Variants in PARP11 observed in about 807,000 individuals in gnomAD.
PARP11 encodes the protein poly(ADP-ribose) polymerase family member 11.
In PARP11, 31 loss-of-function variants were observed where a neutral mutation model predicts 42.9. The observed-to-expected ratio is 0.72, with a 90% CI of 0.54 to 0.98. The LOEUF (loss-of-function observed/expected upper bound fraction) is 0.98, where lower values mean the gene tolerates loss of function less well. Ranked by LOEUF, PARP11 falls within the 50% of genes least tolerant of loss-of-function variation. The pLI, the probability that PARP11 is intolerant of heterozygous loss-of-function variation, is 0.00. For synonymous variants in PARP11, 137 were observed against 127.3 expected (o/e 1.08, Z -0.51); for missense variants, 365 against 413.1 (o/e 0.88, Z 1.01).
Position 3,812,337 on chromosome 12 carries a change from C to T in PARP11, c.803G>A (p.Arg268Gln), listed in dbSNP as rs761950257. The T allele has an allele frequency of 2.1e-5, 34 of 1,614,048 alleles. No individual in the cohort carries two copies. The highest frequency in any genetic ancestry group is 3.3e-5 in the Admixed American group (2 of 60,022). Reference protein sequence around the residue: ...FQIHGVSLQQRHLFRTYKSMF... With the variant: ...FQIHGVSLQQQHLFRTYKSMF... ...AGATTTATATGTTCTAAACAGATGC[C>T]GCTGTTGCAAGCTGACACCATGAAT... The change falls in exon 8 of 8, where the codon CGG (arginine) becomes CAG (glutamine). Residue 268 changes from arginine to glutamine, a missense_variant. Physicochemically the swap from Arg to Gln is conservative, Grantham distance 43 (BLOSUM62 1). Transcript: ENST00000228820.
Position 3,812,257 on chromosome 12 carries a change from T to G in PARP11, c.883A>C (p.Met295Leu). 6.2e-7 allele frequency: 1 copy of G among 1,614,208 alleles called. No individual in the cohort carries two copies. The highest frequency in any genetic ancestry group is 8.5e-7 in the Non-Finnish European group (1 of 1,180,006). The change falls in exon 8 of 8, where the codon ATG (methionine) becomes CTG (leucine). Residue 295 changes from methionine to leucine, a missense_variant. By Grantham distance (15) the Met-to-Leu change is conservative. Transcript: ENST00000228820. Reference protein sequence around the residue: ...GDYINGDSKYMRPPSKDGSYV... With the variant: ...GDYINGDSKYLRPPSKDGSYV... ...CTCCCGTCTTTGGAAGGAGGTCGCA[T>G]GTATTTGGAGTCTCCGTTTATGTAA...
chr12:3,857,083 C>T (rs1948204780), intron 1 of PARP11, among the ~76,000 whole-genome samples: 1 of 151,088 alleles, frequency 6.6e-6, no homozygotes, highest in South Asian at 2.1e-4. Context: ...ACAATGAAAA[C>T]ACCTGGACAC....
chr12:3,811,882 C>A lies in PARP11; in HGVS notation c.*241G>T. The A allele has an allele frequency of 4.3e-6, 2 of 467,460 alleles. No homozygotes were observed. Among genetic ancestry groups the A allele is most frequent in the Non-Finnish European group, 3.7e-6 (1 of 267,080 alleles). 29.0% of individuals were successfully genotyped at this position (467,460 alleles called of 1,614,324 possible). A position where few individuals can be genotyped will look rare whatever the true frequency, so the allele number is the denominator to read the frequency against. On this transcript the variant is annotated 3_prime_UTR_variant, in exon 8 of 8. Transcript: ENST00000228820. ...TCCATTTTGAATGGTATCTTTCACC[C>A]CTATGTGTTAAAACATCAATGATAT... is the stretch of plus-strand genomic sequence containing the variant.
chr12:3,826,001 T>C (rs928716551), intron 4 of PARP11, among the ~76,000 whole-genome samples, 157 bp downstream of exon 4: 1 of 152,138 alleles, frequency 6.6e-6, no homozygotes, highest in Non-Finnish European at 1.5e-5. Context: ...AGTGCTGGGA[T>C]TACAGGTGTG....
In PARP11 at chr12:3,829,854, G is replaced by A. The variant is rs202111420; in HGVS notation, c.147+36C>T. 9.8e-4 allele frequency: 1,569 copies of A among 1,608,630 alleles called. 19 individuals carry two copies. Among genetic ancestry groups the A allele is most frequent in the Middle Eastern group, 4.5e-3 (27 of 6,022 alleles). On this transcript the variant is annotated intron_variant, in intron 2 of 7. Coordinates refer to ENST00000228820, the MANE Select transcript of PARP11 (RefSeq NM_020367.6). ...TCAGCAAGGTGATGCTAAGTGAATCGAAAACACTTCTGCTAAATTAAAGGA... is the reference window on the plus strand; with the variant it reads ...TCAGCAAGGTGATGCTAAGTGAATCAAAAACACTTCTGCTAAATTAAAGGA...
chr12:3,833,171 C>A lies in PARP11; in HGVS notation c.19-3153G>T, dbSNP rs186622236. ...CATGAGTATAGTATCTTCAGGAAAT[C>A]ATATTTGGTAATAACAACTTCCTTG... is the stretch of plus-strand genomic sequence containing the variant. On this transcript the variant is annotated intron_variant, in intron 1 of 7. Transcript: ENST00000228820. 9.2e-5 allele frequency among the ~76,000 whole-genome samples: 14 copies of A among 152,304 alleles called. No individual in the cohort carries two copies. In the East Asian group the frequency reaches 2.7e-3, roughly 29 times the overall value.
intron 4 of PARP11, among the ~76,000 whole-genome samples, chr12:3,822,415 G>C (rs1005374841): frequency 6.8e-6 from 1 of 147,646 alleles, no homozygotes; most frequent in African/African-American, 2.6e-5. Flanking sequence ...TGGCTAACAC[G>C]GTGAAACCCC....
At chr12:3,822,561 T>C (rs944898962) in intron 4 of PARP11, among the ~76,000 whole-genome samples, 1 of 145,874 alleles carries the variant, frequency 6.9e-6, no homozygotes, top group African/African-American at 2.6e-5. Flanking sequence ...ATTGCGCCAC[T>C]GCACTCCAGC....
At chr12:3,834,832 A>C (rs2138057008) in intron 1 of PARP11, among the ~76,000 whole-genome samples, 1 of 152,102 alleles carries the variant, frequency 6.6e-6, no homozygotes, top group Non-Finnish European at 1.5e-5. Context: ...GGCTGTGTAC[A>C]CCCAGGAATG....
chr12:3,841,922 G>A (rs540759938), intron 1 of PARP11: 9 of 1,607,598 alleles, frequency 5.6e-6, no homozygotes, highest in African/African-American at 2.7e-5. Context: ...GCAGCCAGGA[G>A]TGAACATGTA....
intron 1 of PARP11, chr12:3,832,103 A>G (rs1267244963): frequency 5.2e-6 from 5 of 966,608 alleles, no homozygotes; most frequent in Non-Finnish European, 4.9e-6. Flanking sequence ...CTCCGCTATA[A>G]AACACCTTAC....
At chr12:3,860,184 A>C (rs1316181204) in intron 1 of PARP11, among the ~76,000 whole-genome samples, 1 of 152,188 alleles carries the variant, frequency 6.6e-6, no homozygotes, top group Non-Finnish European at 1.5e-5. Context: ...ATTAGTATGG[A>C]TGTGGACCGC....
chr12:3,830,700 T>C (rs1216436624), intron 1 of PARP11, among the ~76,000 whole-genome samples: 2 of 152,146 alleles, frequency 1.3e-5, no homozygotes, highest in Non-Finnish European at 2.9e-5. Context: ...TTCTAAGGAC[T>C]ACACAGATGA....
chr12:3,839,557 T>A, intron 1 of PARP11: 48 of 1,402,800 alleles, frequency 3.4e-5, no homozygotes, highest in Non-Finnish European at 4.6e-5. Context: ...TATAGGAGGA[T>A]CATTTGAAGG....
chr12:3,843,833 C>G (rs1947942038), intron 1 of PARP11, among the ~76,000 whole-genome samples: 2 of 152,286 alleles, frequency 1.3e-5, no homozygotes, highest in East Asian at 3.9e-4. Flanking sequence ...AAAATCCACT[C>G]TTTTATTATG....
At chr12:3,842,186 G>C (rs538504164) in intron 1 of PARP11, 47 of 1,609,066 alleles carry the variant, frequency 2.9e-5, no homozygotes, top group Middle Eastern at 3.3e-4. Flanking sequence ...CTGCTGATGT[G>C]GTCAGCCCTG....
intron 1 of PARP11, among the ~76,000 whole-genome samples, chr12:3,858,710 G>A (rs956375747): frequency 2.6e-5 from 4 of 152,172 alleles, no homozygotes; most frequent in African/African-American, 9.7e-5. Context: ...TTTTGGTGAT[G>A]CTATTGCACT....
At chr12:3,826,334 G>T in intron 3 of PARP11, 101 bp from the exon 4 acceptor site, 1 of 748,980 alleles carries the variant, frequency 1.3e-6, no homozygotes. Flanking sequence ...CAGGAATCAT[G>T]GAGCTTCGGG....
intron 6 of PARP11, among the ~76,000 whole-genome samples, chr12:3,816,923 G>C (rs1314907574): frequency 2.0e-5 from 3 of 152,174 alleles, no homozygotes; most frequent in African/African-American, 7.2e-5. Context: ...CAGGCGCAGA[G>C]GCTCACGCCT....
Sources: gnomAD v4.1 joint callset for allele counts (sites outside exome capture counted in the v4.1 genomes callset) on GRCh38, gnomAD v4.1.1 for gene constraint, MANE v1.5 for transcripts, NCBI Gene and HGNC (gene_info 2026-07-23, HGNC 2026-07-21) for gene names.